The following KIAA1671 variants were observed in gnomAD, a reference collection of about 807,000 sequenced individuals.
KIAA1671 encodes the protein uncharacterized protein KIAA1671.
In KIAA1671, 52 loss-of-function variants were observed where a neutral mutation model predicts 131.2. The observed-to-expected ratio is 0.40, with a 90% CI of 0.32 to 0.50. KIAA1671 has a LOEUF of 0.50. Among genes scored for constraint, KIAA1671 ranks in the 20% least tolerant of loss-of-function variants. The pLI is 0.73. For synonymous variants in KIAA1671, 1,003 were observed against 961.6 expected (o/e 1.04, Z -0.80); for missense variants, 2,360 against 2,364.2 (o/e 1.00, Z 0.04).
intron 6 of KIAA1671, among the ~76,000 whole-genome samples, chr22:25,169,309 C>G (rs942456635): frequency 8.6e-5 from 13 of 151,038 alleles, no homozygotes; most frequent in African/African-American, 2.9e-4. Flanking sequence ...CTCCCAGCTA[C>G]TTGGGAGTCT....
rs114492005 is a variant in KIAA1671, at chr22:24,957,309, G to A, written c.-208+4537G>A. ...AACAGCACTGGCAAAGGCATAGATC[G>A]CCTGGAGAACTGCATGCCAACTGAT... On this transcript the variant is annotated intron_variant, in intron 1 of 12. Coordinates refer to ENST00000358431, the MANE Select transcript of KIAA1671 (RefSeq NM_001145206.2). 9.3e-3 allele frequency among the ~76,000 whole-genome samples: 1,411 copies of A among 152,270 alleles called. 23 individuals are homozygous for A. Among genetic ancestry groups the A allele is most frequent in the African/African-American group, 0.032 (1,341 of 41,550 alleles).
Position 25,196,013 on chromosome 22 carries a change from G to C in KIAA1671, c.*3612G>C, listed in dbSNP as rs999571796. 8 of 152,138 alleles carry C rather than the reference G, an allele frequency of 5.3e-5. No homozygotes were observed. Among genetic ancestry groups the C allele is most frequent in the African/African-American group, 1.7e-4 (7 of 41,418 alleles). The allele number at this position is 152,138 out of a possible 1,614,324, so 9.4% of individuals were successfully genotyped here. A position where few individuals can be genotyped will look rare whatever the true frequency, so the allele number is the denominator to read the frequency against. On this transcript the variant is annotated 3_prime_UTR_variant, in exon 13 of 13. Transcript: ENST00000358431. ...CATTAGCGAGTGGGGGACTCTTGCT[G>C]TGTGCTAAGAGGCTGCTAGGACTCA... is the stretch of plus-strand genomic sequence containing the variant.
intron 6 of KIAA1671, among the ~76,000 whole-genome samples, chr22:25,093,751 TCTCTC>T (rs1930190336): frequency 7.5e-6 from 1 of 134,008 alleles, no homozygotes; most frequent in Admixed American, 7.4e-5. Context: ...TCTCTCTCTC[TCTCTC>T]TCTCTCTCTC....
chr22:25,104,466 A>T (rs1930886765), intron 6 of KIAA1671, among the ~76,000 whole-genome samples: 1 of 152,184 alleles, frequency 6.6e-6, no homozygotes, highest in Non-Finnish European at 1.5e-5. Flanking sequence ...GTAGGCAGGG[A>T]TGCCACATGT....
At chr22:25,020,280 G>C (rs1925591415) in intron 1 of KIAA1671, among the ~76,000 whole-genome samples, 1 of 152,140 alleles carries the variant, frequency 6.6e-6, no homozygotes, top group Non-Finnish European at 1.5e-5. Context: ...TTGAGAAGAT[G>C]AATGAGAGAA....
At chr22:25,152,146 G>A (rs556090083) in intron 6 of KIAA1671, among the ~76,000 whole-genome samples, 1 of 152,246 alleles carries the variant, frequency 6.6e-6, no homozygotes, top group Non-Finnish European at 1.5e-5. Flanking sequence ...ATTTCGTCAG[G>A]CCCTGAATGA....
rs561712373 is a variant in KIAA1671, at chr22:25,188,815, G to C, written c.5343-1887G>C. Among the ~76,000 whole-genome samples, 1,359 of 152,286 alleles carry C rather than the reference G, an allele frequency of 8.9e-3. 10 individuals carry two copies. Among genetic ancestry groups the C allele is most frequent in the Non-Finnish European group, 0.011 (777 of 68,014 alleles). ...ATTGTTTTCCCATTGAGTAGGCTGA[G>C]GGGGAGGTGGAAGAGGAGGGATTGG... is the stretch of plus-strand genomic sequence containing the variant. On this transcript the variant is annotated intron_variant, in intron 11 of 12. Coordinates refer to ENST00000358431, the MANE Select transcript of KIAA1671 (RefSeq NM_001145206.2).
intron 6 of KIAA1671, among the ~76,000 whole-genome samples, chr22:25,123,393 C>T (rs1336931517): frequency 3.3e-5 from 5 of 151,954 alleles, no homozygotes; most frequent in African/African-American, 4.8e-5. Flanking sequence ...GGGGTTTCAT[C>T]GTGTTAACCA....
chr22:25,113,155 A>G (rs1219849923), intron 6 of KIAA1671, among the ~76,000 whole-genome samples: 4 of 152,110 alleles, frequency 2.6e-5, no homozygotes, highest in East Asian at 3.9e-4. Context: ...TGATTTGGAG[A>G]GGTGGGACTG....
At chr22:24,954,386 C>T (rs1921581066) in intron 1 of KIAA1671, among the ~76,000 whole-genome samples, 1 of 152,152 alleles carries the variant, frequency 6.6e-6, no homozygotes, top group Non-Finnish European at 1.5e-5. Flanking sequence ...TTTGTACAGA[C>T]ACAAGCCCAG....
intron 1 of KIAA1671, among the ~76,000 whole-genome samples, chr22:24,962,177 C>T (rs961977689): frequency 4.6e-5 from 7 of 152,088 alleles, no homozygotes; most frequent in South Asian, 4.1e-4. Flanking sequence ...AGTGAGAGAA[C>T]GCAGCGACGC....
rs530727265 is a variant in KIAA1671 at position 25,115,782 on chromosome 22, A to T, written c.4531-55038A>T. 1.3e-3 allele frequency among the ~76,000 whole-genome samples: 195 copies of T among 152,072 alleles called. 3 individuals are homozygous for T. The South Asian group carries it at 0.031, about 24-fold the overall frequency. ...TTTCATTCAACCAGTATTTATTTTT[A>T]TTTATTTATTTAGAGACAGAGCCTC... On this transcript the variant is annotated intron_variant, in intron 6 of 12. Transcript: ENST00000358431.
intron 1 of KIAA1671, among the ~76,000 whole-genome samples, chr22:25,017,654 A>C (rs1203758615): frequency 2.0e-5 from 3 of 152,196 alleles, no homozygotes; most frequent in Non-Finnish European, 4.4e-5. Flanking sequence ...TTTTTACCCC[A>C]ATTTTTTAAA....
intron 5 of KIAA1671, among the ~76,000 whole-genome samples, chr22:25,046,266 C>T (rs1927219810): frequency 6.6e-6 from 1 of 152,166 alleles, no homozygotes; most frequent in East Asian, 1.9e-4. Context: ...CGTGCCACTG[C>T]ACTCCAGCTT....
chr22:24,998,021 G>C (rs1017095935), intron 1 of KIAA1671, among the ~76,000 whole-genome samples: 7 of 152,142 alleles, frequency 4.6e-5, no homozygotes, highest in African/African-American at 1.7e-4. Context: ...ATTTATCCAT[G>C]TTTTCTTCTT....
chr22:25,177,474 C>T lies in KIAA1671; in HGVS notation c.5026C>T (p.Pro1676Ser). 2 of 1,551,726 alleles carry T rather than the reference C, an allele frequency of 1.3e-6. No individual in the cohort carries two copies. Among genetic ancestry groups the T allele is most frequent in the Non-Finnish European group, 1.7e-6 (2 of 1,146,980 alleles). The change falls in exon 9 of 13, where the codon CCT becomes TCT. Residue 1676 changes from proline (P) to serine (S), a missense_variant. This residue lies in a region of KIAA1671 where 1,161 missense variants were observed against 1,204.7 expected (regional missense o/e 0.96). Coordinates refer to ENST00000358431, the MANE Select transcript of KIAA1671 (RefSeq NM_001145206.2). ...SRFSESESRSPLEDETDNTWM... is the reference protein window; with the variant it reads ...SRFSESESRSSLEDETDNTWM... Reference sequence around the variant, plus strand: ...ATTTAGTGAGTCCGAGAGCAGATCACCTTTGGAGGATGAGACTGACAACAC... The same window carrying T: ...ATTTAGTGAGTCCGAGAGCAGATCATCTTTGGAGGATGAGACTGACAACAC...
chr22:25,170,769 G>T, intron 6 of KIAA1671, 51 bp from the exon 7 acceptor site: 1 of 1,524,090 alleles, frequency 6.6e-7, no homozygotes, highest in Non-Finnish European at 8.9e-7. Flanking sequence ...CGGGACGGGG[G>T]TTCTGAGTAC....
In KIAA1671 at chr22:25,028,408, C is replaced by T; in HGVS notation, c.409C>T (p.Leu137=). The change falls in exon 3 of 13, where the codon CTG becomes TTG. Residue 137 remains leucine (L), a synonymous_variant. Transcript: ENST00000358431. Reference sequence around the variant, plus strand: ...GCCCCTCTTCAACAAGGCTGTGTTCCTGCGGCCCAGCTCCAGCACCATGAT... The same window carrying T: ...GCCCCTCTTCAACAAGGCTGTGTTCTTGCGGCCCAGCTCCAGCACCATGAT... ...SSPLFNKAVF[L]RPSSSTMILF... 1.9e-6 allele frequency: 3 copies of T among 1,551,088 alleles called. No individual in the cohort carries two copies. The highest frequency in any genetic ancestry group is 2.6e-6 in the Non-Finnish European group (3 of 1,146,848).
intron 7 of KIAA1671, among the ~76,000 whole-genome samples, chr22:25,173,047 G>A (rs1933902602): frequency 6.6e-6 from 1 of 152,210 alleles, no homozygotes; most frequent in Admixed American, 6.5e-5. Flanking sequence ...GGCTGGGGAA[G>A]CCTCAGGAAA....
Sources: allele counts gnomAD v4.1 joint callset (sites outside exome capture counted in the v4.1 genomes callset), GRCh38; gene constraint gnomAD v4.1.1; regional missense constraint gnomAD v4.1.1; transcripts MANE v1.5; gene names NCBI Gene and HGNC (gene_info 2026-07-23, HGNC 2026-07-21).